WDR64: variants seen among roughly 807,000 people sequenced by gnomAD.
The protein encoded by WDR64 is WD repeat-containing protein 64.
WDR64 carries 112 observed loss-of-function variants against 139.3 expected under a neutral mutation model. The observed-to-expected ratio is 0.80, with a 90% CI of 0.69 to 0.94. WDR64 has a LOEUF of 0.94. Among genes scored for constraint, WDR64 ranks in the 40% least tolerant of loss-of-function variants. The pLI, the probability that WDR64 is intolerant of heterozygous loss-of-function variation, is 0.00. For synonymous variants in WDR64, 444 were observed against 437.7 expected, an observed-to-expected ratio of 1.01 and a Z score of -0.18; for missense variants, 1,206 against 1,293.1, an observed-to-expected ratio of 0.93 and a Z score of 1.03.
Position 241,679,552 on chromosome 1 carries a change from G to A in WDR64, c.581G>A (p.Arg194Lys), listed in dbSNP as rs756639803. The A allele has an allele frequency of 6.4e-7, 1 of 1,551,764 alleles. No individual in the cohort carries two copies. Among genetic ancestry groups the A allele is most frequent in the African/African-American group, 1.4e-5 (1 of 73,038 alleles). Residue 194 changes from arginine to lysine, a missense_variant, in exon 6 of 28, where the codon AGG (arginine) becomes AAG (lysine). By Grantham distance (26) the Arg-to-Lys change is conservative. Coordinates refer to ENST00000437684, the MANE Select transcript of WDR64 (RefSeq NM_001367482.1). The stretch of plus-strand genomic sequence containing the variant: ...AAACGAATCGTAGCCACAACCGAAA[G>A]GACCATTATTGTCTGGGATTATAAA... The part of the protein sequence containing the change: ...QLKRIVATTE[R>K]TIIVWDYKAQ...
chr1:241,679,438 A>G (rs544269309), intron 5 of WDR64, 47 bp from the exon 6 acceptor site: 17 of 1,492,492 alleles, frequency 1.1e-5, no homozygotes, highest in East Asian at 2.5e-5. Flanking sequence ...TCACCAGGTC[A>G]TTGAAGGAAA....
In WDR64 at chr1:241,660,597, A is replaced by C; in HGVS notation, c.213A>C (p.Gln71His). Residue 71 changes from glutamine (Q) to histidine (H), a missense_variant, in exon 2 of 28, where the codon CAA becomes CAC. Physicochemically the swap from Gln to His is conservative, Grantham distance 24. Transcript: ENST00000437684. ...QKLFGPDVKN[Q>H]DVKRFYRKLC... ...TCTTTGGTCCAGATGTGAAGAATCAAGATGTGAAACGCTTTTACAGGAAAC... is the reference window on the plus strand; with the variant it reads ...TCTTTGGTCCAGATGTGAAGAATCACGATGTGAAACGCTTTTACAGGAAAC... 6.4e-7 allele frequency: 1 copy of C among 1,551,814 alleles called. No individual in the cohort carries two copies. The highest frequency in any genetic ancestry group is 8.7e-7 in the Non-Finnish European group (1 of 1,146,904).
chr1:241,783,242 C>G, intron 22 of WDR64, 30 bp from the exon 23 acceptor site: 1 of 1,574,980 alleles, frequency 6.3e-7, no homozygotes, highest in Non-Finnish European at 8.7e-7. Context: ...ATAGTTATTC[C>G]GAGGAATATG....
At chr1:241,744,554 G>T in intron 13 of WDR64, 38 bp downstream of exon 13, 1 of 1,609,976 alleles carries the variant, frequency 6.2e-7, no homozygotes, top group Non-Finnish European at 8.5e-7. Context: ...CCCTGCTTTA[G>T]TGTCCTGAGA....
At chr1:241,750,341 T>C (rs925157173) in intron 14 of WDR64, among the ~76,000 whole-genome samples, 36 of 152,332 alleles carry the variant, frequency 2.4e-4, no homozygotes, top group African/African-American at 7.0e-4. Context: ...CAAGAACTCA[T>C]TGCCTTTACC....
Position 241,790,660 on chromosome 1 carries a change from G to T in WDR64, c.2961G>T (p.Gln987His). The T allele has an allele frequency of 6.2e-7, 1 of 1,606,170 alleles. No homozygotes were observed. Residue 987 changes from glutamine (Q) to histidine (H), a missense_variant, in exon 25 of 28, where the codon CAG becomes CAT. Transcript: ENST00000437684. ...RTPPKAFEVE[Q>H]DFKFFKSLSS... ...CTCCCAAGGCCTTTGAAGTGGAACA[G>T]GATTTCAAGTTTTTCAAGTCTCTTT...
intron 21 of WDR64, among the ~76,000 whole-genome samples, chr1:241,777,460 C>T (rs986570707): frequency 2.7e-5 from 4 of 150,524 alleles, no homozygotes; most frequent in African/African-American, 9.8e-5. Context: ...CTCTATTGCT[C>T]AGGTTGGAGT....
At chr1:241,743,268 G>A (rs558157180) in intron 12 of WDR64, among the ~76,000 whole-genome samples, 1 of 152,126 alleles carries the variant, frequency 6.6e-6, no homozygotes, top group Non-Finnish European at 1.5e-5. Flanking sequence ...GTTGGAGAGG[G>A]ATCACACTGC....
intron 2 of WDR64, among the ~76,000 whole-genome samples, chr1:241,661,835 A>T (rs752389662): frequency 6.6e-6 from 1 of 152,240 alleles, no homozygotes; most frequent in African/African-American, 2.4e-5. Flanking sequence ...AAATCTGGAT[A>T]GACAGCCACC....
At chr1:241,653,534 TTTTCTTTTC>T (rs201232717) in intron 1 of WDR64, among the ~76,000 whole-genome samples, 2,288 of 118,986 alleles carry the variant, frequency 0.019, 23 homozygotes, top group Non-Finnish European at 0.031. Flanking sequence ...AATTCTTTTC[TTTTCTTTTC>T]TTTTTTTTTT....
At chr1:241,714,664 C>A (rs574936032) in intron 9 of WDR64, among the ~76,000 whole-genome samples, 132 of 152,148 alleles carry the variant, frequency 8.7e-4, no homozygotes, top group African/African-American at 3.1e-3. Context: ...CCTTCTATAA[C>A]ACTAAACTGA....
At chr1:241,717,677 A>T (rs1185858390) in intron 9 of WDR64, among the ~76,000 whole-genome samples, 1 of 152,150 alleles carries the variant, frequency 6.6e-6, no homozygotes, top group Non-Finnish European at 1.5e-5. Context: ...TTAACTCTTT[A>T]TGAGCCATAA....
intron 15 of WDR64, among the ~76,000 whole-genome samples, chr1:241,759,457 A>G (rs1670340418): frequency 6.6e-6 from 1 of 152,206 alleles, no homozygotes; most frequent in Admixed American, 6.5e-5. Flanking sequence ...GCTACAGAAC[A>G]AAGTCTATTG....
intron 25 of WDR64, among the ~76,000 whole-genome samples, chr1:241,791,778 T>C (rs764931086): frequency 6.6e-6 from 1 of 152,194 alleles, no homozygotes; most frequent in African/African-American, 2.4e-5. Flanking sequence ...ACATGAATCA[T>C]ATCTGCAAAG....
rs551320843 is a variant in WDR64 at position 241,757,222 on chromosome 1, T to C, written c.1771-61T>C. On this transcript the variant is annotated intron_variant, in intron 14 of 27. Transcript: ENST00000437684. ...TGTAGGTTCTATTTTCTCTATCTCTTTAAAACAGTTCAAAATAAAATAATT... is the reference window on the plus strand; with the variant it reads ...TGTAGGTTCTATTTTCTCTATCTCTCTAAAACAGTTCAAAATAAAATAATT... The C allele has an allele frequency of 7.1e-4, 1,060 of 1,490,680 alleles. 5 individuals carry two copies. The African/African-American group carries it at 0.013, about 19-fold the overall frequency. 92.3% of individuals were successfully genotyped at this position (1,490,680 alleles called of 1,614,324 possible).
intron 2 of WDR64, among the ~76,000 whole-genome samples, chr1:241,663,323 T>G (rs1021383186): frequency 1.3e-5 from 2 of 152,252 alleles, no homozygotes; most frequent in African/African-American, 4.8e-5. Flanking sequence ...TCCCTTCTTT[T>G]GCCATTACTG....
At chr1:241,692,669 A>C (rs1667345425) in intron 8 of WDR64, among the ~76,000 whole-genome samples, 1 of 152,256 alleles carries the variant, frequency 6.6e-6, no homozygotes, top group Non-Finnish European at 1.5e-5. Flanking sequence ...TATTTGCAAA[A>C]GACATATCTG....
chr1:241,757,433 G>T lies in WDR64; in HGVS notation c.1921G>T (p.Glu641Ter). The part of the protein sequence containing the change: ...IPFPDVELIV[E>*]RNFSQPTDNP... The stretch of plus-strand genomic sequence containing the variant: ...TTTCCCAGATGTCGAGTTGATAGTT[G>T]AGAGGAACTTTTCTCAACCTACTGA... The change falls in exon 15 of 28, where the codon GAG becomes TAG. Residue 641 changes from glutamate to a stop codon, truncating the protein, a stop_gained. Transcript: ENST00000437684. LOFTEE classifies it high-confidence loss of function. 1 of 1,612,296 alleles carries T rather than the reference G, an allele frequency of 6.2e-7. No homozygotes were observed. Among genetic ancestry groups the T allele is most frequent in the South Asian group, 1.1e-5 (1 of 90,534 alleles).
At chr1:241,677,867 C>G (rs1666614322) in intron 4 of WDR64, among the ~76,000 whole-genome samples, 1 of 152,048 alleles carries the variant, frequency 6.6e-6, no homozygotes, top group African/African-American at 2.4e-5. Flanking sequence ...ATTTTTTTGG[C>G]ATCAAATGTT....
Sources: allele counts gnomAD v4.1 joint callset (sites outside exome capture counted in the v4.1 genomes callset), GRCh38; gene constraint gnomAD v4.1.1; transcripts MANE v1.5; gene names NCBI Gene and HGNC (gene_info 2026-07-23, HGNC 2026-07-21).